NUMB: variants seen among roughly 807,000 people sequenced by gnomAD.
NUMB encodes protein numb homolog.
Under a neutral mutation model 59.7 loss-of-function variants are expected in NUMB, and 29 were observed. That is an observed-to-expected ratio of 0.49 (90% confidence interval 0.36 to 0.66). The LOEUF (loss-of-function observed/expected upper bound fraction) is 0.66. NUMB is among the 30% of genes least tolerant of loss of function. The pLI is 0.00. For synonymous variants in NUMB, 288 were observed against 288.2 expected (o/e 1.00, Z 0.01); for missense variants, 723 against 822.0 (o/e 0.88, Z 1.47).
At chr14:73,287,039 G>T in intron 9 of NUMB, 71 bp downstream of exon 9, 1 of 1,417,900 alleles carries the variant, frequency 7.1e-7, no homozygotes, top group Non-Finnish European at 1.0e-6. Flanking sequence ...ATTTACCCCT[G>T]GTAGCTTCAA....
At chr14:73,350,986 G>A (rs1893219758) in intron 4 of NUMB, among the ~76,000 whole-genome samples, 1 of 152,060 alleles carries the variant, frequency 6.6e-6, no homozygotes, top group Non-Finnish European at 1.5e-5. Flanking sequence ...AAACTACACT[G>A]CAGCCAAAGT....
chr14:73,404,157 G>C (rs1184373032), intron 2 of NUMB, among the ~76,000 whole-genome samples: 1 of 151,476 alleles, frequency 6.6e-6, no homozygotes, highest in Non-Finnish European at 1.5e-5. Context: ...CACAAGAATC[G>C]CTTGAGCCTG....
chr14:73,339,231 T>C (rs1892506201), intron 4 of NUMB, among the ~76,000 whole-genome samples: 1 of 152,226 alleles, frequency 6.6e-6, no homozygotes, highest in Admixed American at 6.5e-5. Context: ...GTATAAGGAA[T>C]ACTGTAGCAT....
At chr14:73,451,001 A>G (rs1345641907) in intron 1 of NUMB, among the ~76,000 whole-genome samples, 1 of 151,740 alleles carries the variant, frequency 6.6e-6, no homozygotes, top group African/African-American at 2.4e-5. Flanking sequence ...AAAATACAAA[A>G]AAGTTAGCTG....
chr14:73,276,451 T>G lies in NUMB; in HGVS notation c.*127A>C. 1.4e-6 allele frequency: 1 copy of G among 708,000 alleles called. No individual in the cohort carries two copies. The highest frequency in any genetic ancestry group is 1.9e-5 in the South Asian group (1 of 51,290). The allele number at this position is 708,000 out of a possible 1,614,324, so 43.9% of individuals were successfully genotyped here. A position where few individuals can be genotyped will look rare whatever the true frequency, so the allele number is the denominator to read the frequency against. The stretch of plus-strand genomic sequence containing the variant: ...CCTCACAGTACTCTGGGCCTGGACT[T>G]GTTCCTTGGGACCTTTGGGATTAGT... On this transcript the variant is annotated 3_prime_UTR_variant, in exon 13 of 13. Transcript: ENST00000555238.
At position 73,292,997 on chromosome 14, in the gene NUMB, C is replaced by T. The variant is rs527675862; in HGVS notation, c.310-123G>A. 18 of 968,510 alleles carry T rather than the reference C, an allele frequency of 1.9e-5. 3 individuals are homozygous for T. The Middle Eastern group carries it at 3.3e-3, about 178-fold the overall frequency. The allele number at this position is 968,510 out of a possible 1,614,324, so 60.0% of individuals were successfully genotyped here. The stretch of plus-strand genomic sequence containing the variant: ...CTGATACAACTAGGCTATGGAATAC[C>T]TAGATCTGTGTCCAGCAGTTTAAAT... On this transcript the variant is annotated intron_variant, in intron 7 of 12. Coordinates refer to ENST00000555238, the MANE Select transcript of NUMB (RefSeq NM_001005743.2).
chr14:73,352,540 T>TTG (rs1893454881), intron 4 of NUMB, among the ~76,000 whole-genome samples: 2 of 81,862 alleles, frequency 2.4e-5, no homozygotes, highest in African/African-American at 8.4e-5. Context: ...GTTTTTTTTT[T>TTG]TTTTTTTTTT....
intron 2 of NUMB, among the ~76,000 whole-genome samples, chr14:73,377,161 GA>G (rs1894989619): frequency 6.6e-6 from 1 of 152,026 alleles, no homozygotes; most frequent in African/African-American, 2.4e-5. Context: ...ACATCTAGAT[GA>G]CTTTGGGTAA....
At chr14:73,413,479 G>C (rs8003147) in intron 1 of NUMB, among the ~76,000 whole-genome samples, 45,973 of 151,378 alleles carry the variant, frequency 0.3, 7,750 homozygotes, top group African/African-American at 0.44. Context: ...AAAATAAGGC[G>C]GGGCATGGTG....
chr14:73,284,966 G>C (rs1453874227), intron 9 of NUMB: 3 of 152,202 alleles, frequency 2.0e-5, no homozygotes, highest in African/African-American at 7.2e-5. Flanking sequence ...TCCTGCCTCA[G>C]ACTCCCAAGT....
chr14:73,347,216 T>C (rs1011543268), intron 4 of NUMB, among the ~76,000 whole-genome samples: 1 of 152,110 alleles, frequency 6.6e-6, no homozygotes, highest in African/African-American at 2.4e-5. Context: ...CACTCACATG[T>C]TCCTTAACCT....
chr14:73,333,996 C>G (rs1161732414), intron 4 of NUMB, among the ~76,000 whole-genome samples: 1 of 152,018 alleles, frequency 6.6e-6, no homozygotes. Flanking sequence ...TCCCAAGTAG[C>G]TGGGACCACA....
intron 4 of NUMB, among the ~76,000 whole-genome samples, chr14:73,350,345 G>T (rs566954898): frequency 9.2e-5 from 14 of 151,410 alleles, no homozygotes; most frequent in African/African-American, 3.4e-4. Flanking sequence ...GCTAGTTTTT[G>T]TATTTTTATT....
chr14:73,320,045 T>C (rs984822404), intron 5 of NUMB, among the ~76,000 whole-genome samples: 1 of 151,966 alleles, frequency 6.6e-6, no homozygotes, highest in Admixed American at 6.6e-5. Flanking sequence ...GGCAGGAGAA[T>C]TGCTTGAACC....
At chr14:73,338,743 A>G (rs547961198) in intron 4 of NUMB, among the ~76,000 whole-genome samples, 6 of 152,298 alleles carry the variant, frequency 3.9e-5, no homozygotes, top group Non-Finnish European at 8.8e-5. Flanking sequence ...GACTGGGAAA[A>G]TTATTCCTGG....
intron 7 of NUMB, among the ~76,000 whole-genome samples, chr14:73,294,684 A>T (rs934870193): frequency 1.2e-4 from 18 of 149,260 alleles, no homozygotes. Context: ...TGCCCAGCGA[A>T]TTTTTTGTAT....
In NUMB at chr14:73,390,638, C is replaced by CTTTTTTTTTTTTTTTTTT. The variant is rs55831976; in HGVS notation, c.-101+19281_-101+19298dup. Among the ~76,000 whole-genome samples, 10 of 39,410 alleles carry CTTTTTTTTTTTTTTTTTT rather than the reference C, an allele frequency of 2.5e-4. 1 individual carries two copies. Among genetic ancestry groups the CTTTTTTTTTTTTTTTTTT allele is most frequent in the Non-Finnish European group, 2.4e-4 (5 of 21,178 alleles). The allele number at this position is 39,410 out of a possible 152,430, so 25.9% of individuals were successfully genotyped here. On this transcript the variant is annotated intron_variant, in intron 2 of 12. Coordinates refer to ENST00000555238, the MANE Select transcript of NUMB (RefSeq NM_001005743.2). ...ATTTCCTTGAGGACAAAAACAAAGT[C>CTTTTTTTTTTTTTTTTTT]TTTTTTTTTTTTTTTTTTTTTTTTT...
intron 1 of NUMB, among the ~76,000 whole-genome samples, chr14:73,414,418 G>C: frequency 6.6e-6 from 1 of 152,186 alleles, no homozygotes; most frequent in South Asian, 2.1e-4. Flanking sequence ...TTTTGAGACA[G>C]GGTCTCACTC....
chr14:73,286,318 G>A (rs2139814948), intron 9 of NUMB: 2 of 144,262 alleles, frequency 1.4e-5, no homozygotes, highest in South Asian at 4.5e-4. Context: ...GATTACAGCT[G>A]TAAGCCACTA....
Sources: allele counts gnomAD v4.1 joint callset (sites outside exome capture counted in the v4.1 genomes callset), GRCh38; gene constraint gnomAD v4.1.1; transcripts MANE v1.5; gene names NCBI Gene and HGNC (gene_info 2026-07-23, HGNC 2026-07-21).